The following COPZ2 variants were observed in gnomAD, a reference collection of about 807,000 sequenced individuals.
COPZ2 encodes the protein coatomer subunit zeta-2.
Under a neutral mutation model 33.2 loss-of-function variants are expected in COPZ2, and 30 were observed. The observed-to-expected ratio is 0.90, with a 90% confidence interval of 0.68 to 1.23. COPZ2 has a LOEUF of 1.23. COPZ2 is among the 50% of genes most tolerant of loss of function. COPZ2 has a pLI of 0.00. For missense variants in COPZ2, 263 were observed against 262.4 expected, an observed-to-expected ratio of 1.00 and a Z score of -0.02; for synonymous variants, 89 against 102.6, an observed-to-expected ratio of 0.87 and a Z score of 0.80.
chr17:48,041,161 A>G (rs2037057894), upstream of COPZ2, among the ~76,000 whole-genome samples: 2 of 151,970 alleles, frequency 1.3e-5, no homozygotes, highest in African/African-American at 2.4e-5. Context: ...AAAAAAAAAA[A>G]AAAAAAGACA....
chr17:48,043,516 G>A, the COPZ2 span: 14 of 985,336 alleles, frequency 1.4e-5, no homozygotes, highest in Non-Finnish European at 1.7e-5. Flanking sequence ...GTGTACTGGT[G>A]GCATCCTCTA....
At chr17:48,040,057 G>A (rs2037045991), upstream of COPZ2, among the ~76,000 whole-genome samples, 1 of 151,858 alleles carries the variant, frequency 6.6e-6, no homozygotes, top group South Asian at 2.1e-4. Flanking sequence ...GGGAGGTGGA[G>A]GTTGCAGTGA....
At chr17:48,035,221 C>A (rs2036961404) in intron 2 of COPZ2, among the ~76,000 whole-genome samples, 1 of 152,200 alleles carries the variant, frequency 6.6e-6, no homozygotes, top group African/African-American at 2.4e-5. Context: ...TTTGGCCTTG[C>A]TGATCCACCT....
intron 2 of COPZ2, among the ~76,000 whole-genome samples, chr17:48,035,599 G>GT (rs1374210580): frequency 2.6e-5 from 4 of 151,760 alleles, no homozygotes; most frequent in African/African-American, 9.7e-5. Flanking sequence ...GTTTTGTTTT[G>GT]TTTTTTGTAG....
the COPZ2 span, chr17:48,047,759 G>C: frequency 6.6e-6 from 1 of 152,344 alleles, no homozygotes; most frequent in South Asian, 2.1e-4. Flanking sequence ...AGCTGGGGTG[G>C]CTTCTCCAGG....
In COPZ2 at chr17:48,026,398, G is replaced by T; in HGVS notation, c.*30C>A. ...TTTGCCAGGATTGGGGAAATGATCT[G>T]GGGGGCAGGGAGCCTTGAATCCACA... On this transcript the variant is annotated 3_prime_UTR_variant, in exon 9 of 9. Coordinates refer to ENST00000621465, the MANE Select transcript of COPZ2 (RefSeq NM_016429.4). 1.9e-6 allele frequency: 3 copies of T among 1,584,066 alleles called. No homozygotes were observed. Among genetic ancestry groups the T allele is most frequent in the Non-Finnish European group, 2.6e-6 (3 of 1,152,884 alleles).
chr17:48,028,560 T>G lies in COPZ2; in HGVS notation c.547-50A>C. The G allele has an allele frequency of 6.3e-7, 1 of 1,581,452 alleles. No individual in the cohort carries two copies. Among genetic ancestry groups the G allele is most frequent in the Non-Finnish European group, 8.6e-7 (1 of 1,162,156 alleles). On this transcript the variant is annotated intron_variant, in intron 7 of 8. Transcript: ENST00000621465. This position sits in a 1 kb window ranked among gnomAD's most constrained non-coding sequence, Gnocchi z 4.5. ...TGGGGTAGGGCCAGCATGAGGGTCC[T>G]GGGTCAGGGAGGTGAAGGAAAGGGG...
chr17:48,038,271 T>C (rs965735390), upstream of COPZ2, among the ~76,000 whole-genome samples: 1 of 152,120 alleles, frequency 6.6e-6, no homozygotes, highest in African/African-American at 2.4e-5. Flanking sequence ...GTGAAGAGGC[T>C]TTCTCATTCC....
chr17:48,026,539 TG>T, intron 8 of COPZ2, 64 bp from the exon 9 acceptor site: 1 of 1,252,182 alleles, frequency 8.0e-7, no homozygotes. Flanking sequence ...TACACAGTCA[TG>T]GGGAGGTCCA....
At chr17:48,042,872 C>CA (rs1392651239), upstream of COPZ2, among the ~76,000 whole-genome samples, 1 of 152,226 alleles carries the variant, frequency 6.6e-6, no homozygotes, top group Non-Finnish European at 1.5e-5. Flanking sequence ...CAAACTCCTT[C>CA]AACAGAGACC....
At chr17:48,026,556 C>T (rs780080461) in intron 8 of COPZ2, 81 bp from the exon 9 acceptor site, 34 of 1,068,534 alleles carry the variant, frequency 3.2e-5, no homozygotes, top group Non-Finnish European at 4.7e-5. Flanking sequence ...GTCCACAGCC[C>T]ACCTTGCCGA....
chr17:48,043,597 A>G, the COPZ2 span: 1 of 983,050 alleles, frequency 1.0e-6, no homozygotes, highest in Non-Finnish European at 1.2e-6. Context: ...GACAGCTCTC[A>G]TTTCTTCATC....
intron 4 of COPZ2, 123 bp downstream of exon 4, chr17:48,033,088 C>T: frequency 5.7e-6 from 4 of 697,626 alleles, no homozygotes; most frequent in Non-Finnish European, 2.6e-6. Context: ...TCCTCTACCC[C>T]ATGGAGCCTA....
chr17:48,040,137 CACA>C (rs2037047796), upstream of COPZ2, among the ~76,000 whole-genome samples: 5 of 79,922 alleles, frequency 6.3e-5, no homozygotes, highest in Non-Finnish European at 1.2e-4. Flanking sequence ...CACCCACCCA[CACA>C]CACACACACA....
intron 6 of COPZ2, among the ~76,000 whole-genome samples, chr17:48,030,846 G>A (rs190814319): frequency 1.9e-4 from 29 of 152,324 alleles, no homozygotes; most frequent in African/African-American, 6.5e-4. Context: ...TTTTGTGTGT[G>A]TTTGTGTAAA....
chr17:48,037,202 A>G lies in COPZ2; in HGVS notation c.112-277T>C, dbSNP rs1205258362. 1 of 684,732 alleles carries G rather than the reference A, an allele frequency of 1.5e-6. No homozygotes were observed. The allele number at this position is 684,732 out of a possible 1,614,324, so 42.4% of individuals were successfully genotyped here. A position where few individuals can be genotyped will look rare whatever the true frequency, so the allele number is the denominator to read the frequency against. ...AGTTCTGTCATGCACTGACTGCTCC[A>G]GAGCCCGAGTCGGAGTGTATCACAG... On this transcript the variant is annotated intron_variant, in intron 1 of 8. Coordinates refer to ENST00000621465, the MANE Select transcript of COPZ2 (RefSeq NM_016429.4). The surrounding 1 kb of genome is among the most constrained non-coding windows in gnomAD (Gnocchi z 5.6).
chr17:48,040,740 T>C (rs1389162959), upstream of COPZ2, among the ~76,000 whole-genome samples: 1 of 151,826 alleles, frequency 6.6e-6, no homozygotes, highest in Non-Finnish European at 1.5e-5. Flanking sequence ...CGATGACAGA[T>C]ATTTAATAAG....
chr17:48,031,280 G>A (rs1046957571), intron 6 of COPZ2, among the ~76,000 whole-genome samples: 3 of 151,854 alleles, frequency 2.0e-5, no homozygotes, highest in East Asian at 1.9e-4. Context: ...GTGAAACCCC[G>A]TCTCTACTAA....
At chr17:48,042,289 A>T (rs1235587367), upstream of COPZ2, among the ~76,000 whole-genome samples, 1 of 151,890 alleles carries the variant, frequency 6.6e-6, no homozygotes, top group Non-Finnish European at 1.5e-5. Flanking sequence ...ATGCGCCACC[A>T]CACCCAGCTA....
Sources: allele counts gnomAD v4.1 joint callset (sites outside exome capture counted in the v4.1 genomes callset), GRCh38; gene constraint gnomAD v4.1.1; non-coding constraint Gnocchi (gnomAD v3.1); transcripts MANE v1.5; gene names NCBI Gene and HGNC (gene_info 2026-07-23, HGNC 2026-07-21).